SDHAF3: variants seen among roughly 807,000 people sequenced by gnomAD.
The protein encoded by SDHAF3 is succinate dehydrogenase complex assembly factor 3.
SDHAF3 carries 18 observed loss-of-function variants against 11.5 expected under a neutral mutation model. The ratio of observed to expected loss-of-function variants is 1.56; its 90% CI spans 1.08 to 2.32. The LOEUF is 2.32. SDHAF3 is among the 30% of genes most tolerant of loss of function. The pLI is 0.00. For synonymous variants in SDHAF3, 72 were observed against 59.3 expected (o/e 1.21, Z -0.99); for missense variants, 200 against 154.4 (o/e 1.30, Z -1.57).
rs199949264 is a variant in SDHAF3, at chr7:97,117,733, C to A, written c.10C>A (p.Arg4=). MPG[R]HVSRVRALYK... is the part of the protein sequence containing the mutation. ...GTCGGCGTGGGGCGCTATGCCGGGG[C>A]GGCACGTTTCTCGAGTCCGGGCATT... is the stretch of plus-strand genomic sequence containing the variant. Residue 4 remains arginine, a synonymous_variant, in exon 1 of 2, where the codon CGG becomes AGG. Transcript: ENST00000432641. 1.2e-6 allele frequency: 2 copies of A among 1,612,720 alleles called. No individual in the cohort carries two copies. Among genetic ancestry groups the A allele is most frequent in the Non-Finnish European group, 1.7e-6 (2 of 1,179,348 alleles).
At chr7:97,138,210 A>C (rs1788961991) in intron 1 of SDHAF3, among the ~76,000 whole-genome samples, 1 of 147,084 alleles carries the variant, frequency 6.8e-6, no homozygotes, top group South Asian at 2.2e-4. Flanking sequence ...CCCAGGCTGG[A>C]GTGCAGTGGC....
At chr7:97,137,331 T>C (rs921793158) in intron 1 of SDHAF3, among the ~76,000 whole-genome samples, 4 of 152,186 alleles carry the variant, frequency 2.6e-5, no homozygotes, top group Non-Finnish European at 4.4e-5. Flanking sequence ...ACACTTGTAA[T>C]ATAAATCAGG....
At chr7:97,165,740 A>C (rs1789494068) in intron 1 of SDHAF3, among the ~76,000 whole-genome samples, 1 of 152,236 alleles carries the variant, frequency 6.6e-6, no homozygotes, top group Non-Finnish European at 1.5e-5. Context: ...TGCAAGGCTA[A>C]GTTGGCAGTT....
intron 1 of SDHAF3, among the ~76,000 whole-genome samples, chr7:97,169,357 C>A (rs778627170): frequency 1.3e-5 from 1 of 77,796 alleles, no homozygotes; most frequent in Non-Finnish European, 2.8e-5. Flanking sequence ...TCAGTATTAC[C>A]CCAAATTGAA....
chr7:97,161,866 C>G (rs940873438), intron 1 of SDHAF3, among the ~76,000 whole-genome samples: 1 of 152,138 alleles, frequency 6.6e-6, no homozygotes, highest in Non-Finnish European at 1.5e-5. Flanking sequence ...CCAAGTCTTG[C>G]TATTGTGAAT....
At chr7:97,140,984 T>C (rs1789027051) in intron 1 of SDHAF3, among the ~76,000 whole-genome samples, 1 of 152,218 alleles carries the variant, frequency 6.6e-6, no homozygotes, top group South Asian at 2.1e-4. Flanking sequence ...ATTCTTTTTC[T>C]CAGCAAGGAA....
intron 1 of SDHAF3, among the ~76,000 whole-genome samples, chr7:97,152,395 A>G (rs2115695507): frequency 6.6e-6 from 1 of 152,300 alleles, no homozygotes; most frequent in African/African-American, 2.4e-5. Flanking sequence ...TAAGTTAGGG[A>G]TGAAATAATA....
chr7:97,169,381 C>T (rs572296350), intron 1 of SDHAF3, among the ~76,000 whole-genome samples: 147 of 152,182 alleles, frequency 9.7e-4, no homozygotes, highest in African/African-American at 3.5e-3. Context: ...TGTGAAAGTA[C>T]TGTCAATTTC....
rs375931966 is a variant in SDHAF3 at position 97,150,812 on chromosome 7, A to G, written c.175-30200A>G. Among the ~76,000 whole-genome samples the G allele has an allele frequency of 1.8e-3, 279 of 151,944 alleles. 1 individual carries two copies. The highest frequency in any genetic ancestry group is 6.2e-3 in the African/African-American group (258 of 41,458). Reference sequence around the variant, plus strand: ...CTCCTGACCTTGTGATCCTTCCGCCATGGCCTCCCAAAGTGCTGGGATTAC... The same window carrying G: ...CTCCTGACCTTGTGATCCTTCCGCCGTGGCCTCCCAAAGTGCTGGGATTAC... On this transcript the variant is annotated intron_variant, in intron 1 of 1. Coordinates refer to ENST00000432641, the MANE Select transcript of SDHAF3 (RefSeq NM_020186.3).
intron 1 of SDHAF3, among the ~76,000 whole-genome samples, chr7:97,125,688 C>G (rs1450187406): frequency 6.6e-6 from 1 of 152,148 alleles, no homozygotes; most frequent in African/African-American, 2.4e-5. Context: ...TCCATCAGGT[C>G]ATTTATGTTC....
chr7:97,139,023 C>T (rs913376389), intron 1 of SDHAF3, among the ~76,000 whole-genome samples: 14 of 152,224 alleles, frequency 9.2e-5, no homozygotes, highest in African/African-American at 3.4e-4. Context: ...CTCATTCAGT[C>T]CCACTGCCCT....
intron 1 of SDHAF3, among the ~76,000 whole-genome samples, chr7:97,144,447 G>T (rs1215532328): frequency 6.6e-6 from 1 of 152,114 alleles, no homozygotes; most frequent in South Asian, 2.1e-4. Context: ...ATAGTTTCAG[G>T]TCTTAGGTTT....
At chr7:97,138,564 T>C (rs912117505) in intron 1 of SDHAF3, among the ~76,000 whole-genome samples, 2 of 152,076 alleles carry the variant, frequency 1.3e-5, no homozygotes, top group Non-Finnish European at 2.9e-5. Context: ...GTAACACTTT[T>C]AATGATTATC....
chr7:97,148,986 G>T (rs949154388), intron 1 of SDHAF3, among the ~76,000 whole-genome samples: 116 of 150,438 alleles, frequency 7.7e-4, no homozygotes, highest in Non-Finnish European at 1.3e-3. Context: ...CTGGAGTGCA[G>T]TGGCATGATT....
chr7:97,124,728 A>G (rs1279920535), intron 1 of SDHAF3, among the ~76,000 whole-genome samples: 1 of 151,998 alleles, frequency 6.6e-6, no homozygotes. Flanking sequence ...TGTAAGTTGT[A>G]TTTCTAGGTA....
At chr7:97,172,599 G>A (rs532085488) in intron 1 of SDHAF3, among the ~76,000 whole-genome samples, 1 of 152,164 alleles carries the variant, frequency 6.6e-6, no homozygotes, top group East Asian at 1.9e-4. Flanking sequence ...GGAATTTTAT[G>A]CCACTTTGGT....
chr7:97,134,945 T>C (rs1305505985), intron 1 of SDHAF3: 1 of 152,186 alleles, frequency 6.6e-6, no homozygotes, highest in African/African-American at 2.4e-5. Context: ...AGGTGTATTA[T>C]GATGTTTTCC....
intron 1 of SDHAF3, among the ~76,000 whole-genome samples, chr7:97,120,086 T>C (rs1791468788): frequency 6.6e-6 from 1 of 152,176 alleles, no homozygotes; most frequent in South Asian, 2.1e-4. Flanking sequence ...TGATTACTAG[T>C]CTTAGCATTC....
chr7:97,145,123 G>T, intron 1 of SDHAF3, among the ~76,000 whole-genome samples: 1 of 150,884 alleles, frequency 6.6e-6, no homozygotes, highest in African/African-American at 2.4e-5. Flanking sequence ...CGCTATTGGT[G>T]TATTGAAGAG....
Sources: allele counts gnomAD v4.1 joint callset (sites outside exome capture counted in the v4.1 genomes callset), GRCh38; gene constraint gnomAD v4.1.1; transcripts MANE v1.5; gene names NCBI Gene and HGNC (gene_info 2026-07-23, HGNC 2026-07-21).